Variants in RIPOR2 observed in about 807,000 individuals in gnomAD.
The protein encoded by RIPOR2 is rho family-interacting cell polarization regulator 2.
Under a neutral mutation model 114.5 loss-of-function variants are expected in RIPOR2, and 39 were observed. The observed-to-expected ratio is 0.34, with a 90% CI of 0.26 to 0.44. The LOEUF is 0.44. RIPOR2 is among the 20% of genes least tolerant of loss of function. The probability of loss-of-function intolerance (pLI) is 1.00; values close to 1 mark genes in which losing one functional copy is unlikely to be tolerated. For synonymous variants in RIPOR2, 445 were observed against 484.4 expected (o/e 0.92, Z 1.07); for missense variants, 1,007 against 1,255.1 (o/e 0.80, Z 2.99).
At chr6:24,807,036 A>C (rs1276938746) in intron 21 of RIPOR2, among the ~76,000 whole-genome samples, 4 of 152,220 alleles carry the variant, frequency 2.6e-5, no homozygotes, top group Non-Finnish European at 5.9e-5. Context: ...ATTGCAAATA[A>C]TTTTAATGTT....
At chr6:24,867,388 C>T (rs1764711034) in intron 6 of RIPOR2, among the ~76,000 whole-genome samples, 2 of 152,166 alleles carry the variant, frequency 1.3e-5, no homozygotes, top group Admixed American at 1.3e-4. Flanking sequence ...TAGGGCTGGG[C>T]CAGGAATCTG....
Position 24,839,134 on chromosome 6 carries a change from C to T in RIPOR2, c.1996G>A (p.Gly666Ser), listed in dbSNP as rs1761386140. The T allele has an allele frequency of 6.4e-7, 1 of 1,551,560 alleles. No homozygotes were observed. The highest frequency in any genetic ancestry group is 2.0e-5 in the Admixed American group (1 of 50,980). The change falls in exon 14 of 22, where the codon GGT becomes AGT. Residue 666 changes from glycine (G) to serine (S), a missense_variant. Physicochemically the swap from Gly to Ser is moderately conservative, Grantham distance 56. Coordinates refer to ENST00000643898, the MANE Select transcript of RIPOR2 (RefSeq NM_001286445.3). Reference protein sequence around the residue: ...DGDEVCNVGGGADSVFSDTET... With the variant: ...DGDEVCNVGGSADSVFSDTET... ...GTGTCTGAAAATACTGAGTCAGCAC[C>T]TCCGCCAACATTACAAACCTCATCA...
chr6:24,823,554 G>A (rs1759885299), intron 19 of RIPOR2, among the ~76,000 whole-genome samples: 1 of 152,058 alleles, frequency 6.6e-6, no homozygotes, highest in Non-Finnish European at 1.5e-5. Flanking sequence ...TTTCTACAGT[G>A]TCCACAAAAC....
chr6:24,989,461 A>AT (rs1774690556), intron 1 of RIPOR2, among the ~76,000 whole-genome samples: 1 of 151,200 alleles, frequency 6.6e-6, no homozygotes, highest in African/African-American at 2.4e-5. Flanking sequence ...ATGCCTGGCT[A>AT]TTTTTTTGTA....
chr6:24,945,273 T>G (rs986639202), intron 1 of RIPOR2, among the ~76,000 whole-genome samples: 5 of 152,118 alleles, frequency 3.3e-5, no homozygotes, highest in Admixed American at 2.6e-4. Flanking sequence ...AACTATCCTT[T>G]GAGAATGAAG....
At chr6:24,976,232 G>A (rs565195354) in intron 1 of RIPOR2, among the ~76,000 whole-genome samples, 5 of 152,158 alleles carry the variant, frequency 3.3e-5, no homozygotes, top group East Asian at 3.9e-4. Context: ...AAAAATTGCC[G>A]ACAGCCAAAT....
chr6:24,865,615 CTG>C (rs1241819853), intron 6 of RIPOR2, among the ~76,000 whole-genome samples, 165 bp from the exon 7 acceptor site: 1 of 152,194 alleles, frequency 6.6e-6, no homozygotes, highest in Admixed American at 6.5e-5. Context: ...ATTGTAGCCA[CTG>C]TGATACATTT....
intron 1 of RIPOR2, among the ~76,000 whole-genome samples, chr6:24,984,743 A>G (rs1774462905): frequency 1.3e-5 from 2 of 152,210 alleles, no homozygotes; most frequent in Admixed American, 1.3e-4. Flanking sequence ...AATTATCATT[A>G]TTATTTACAT....
At chr6:24,885,183 A>G (rs575627243) in intron 1 of RIPOR2, among the ~76,000 whole-genome samples, 10 of 152,308 alleles carry the variant, frequency 6.6e-5, no homozygotes, top group African/African-American at 2.4e-4. Context: ...GTAAGAAATA[A>G]CAGCGTAAAA....
chr6:25,024,594 A>T (rs1776515475), intron 1 of RIPOR2: 3 of 485,726 alleles, frequency 6.2e-6, no homozygotes, highest in Non-Finnish European at 1.1e-5. Context: ...AAGAGCAGTC[A>T]GATTTTTTAA....
chr6:25,005,738 T>TATATATATATACAC lies in RIPOR2; in HGVS notation c.76+36112_76+36113insGTGTATATATATAT, dbSNP rs34572978. Among the ~76,000 whole-genome samples the TATATATATATACAC allele has an allele frequency of 2.2e-3, 159 of 70,684 alleles. 16 individuals are homozygous for TATATATATATACAC. Among genetic ancestry groups the TATATATATATACAC allele is most frequent in the South Asian group, 4.0e-3 (8 of 1,988 alleles). 46.4% of individuals were successfully genotyped at this position (70,684 alleles called of 152,430 possible). ...ATATATATATATATATATATATATA[T>TATATATATATACAC]ATACATTTACCGATCAAAAGATATG... On this transcript the variant is annotated intron_variant, in intron 1 of 13. Transcript: ENST00000510784.
rs78706908 is a variant in RIPOR2 at position 24,818,796 on chromosome 6, G to A, written c.2869-171C>T. 0.01 allele frequency among the ~76,000 whole-genome samples: 1,569 copies of A among 151,772 alleles called. 31 individuals are homozygous for A. The highest frequency in any genetic ancestry group is 0.033 in the African/African-American group (1,374 of 41,424). On this transcript the variant is annotated intron_variant, in intron 19 of 21. Transcript: ENST00000643898. ...GAAATTCATATTAATTAAAAGAGTC[G>A]TTTATTCAATAAATTGATCCCTTAT...
chr6:24,973,706 A>C (rs1773900347), intron 1 of RIPOR2, among the ~76,000 whole-genome samples: 1 of 152,170 alleles, frequency 6.6e-6, no homozygotes, highest in African/African-American at 2.4e-5. Context: ...GTGCCCATCA[A>C]TGGTGGACTG....
At chr6:24,878,340 T>C (rs566182363) in intron 1 of RIPOR2, among the ~76,000 whole-genome samples, 20 of 152,312 alleles carry the variant, frequency 1.3e-4, no homozygotes, top group African/African-American at 4.8e-4. Flanking sequence ...AAACTTGTAA[T>C]AAACTATCAT....
intron 1 of RIPOR2, among the ~76,000 whole-genome samples, chr6:25,030,477 A>T (rs1259612842): frequency 6.6e-6 from 1 of 152,124 alleles, no homozygotes; most frequent in Non-Finnish European, 1.5e-5. Flanking sequence ...CTTTTTGGTG[A>T]TTAGAGTTCT....
chr6:24,895,456 T>TC (rs34888470), intron 1 of RIPOR2, among the ~76,000 whole-genome samples: 79,433 of 151,492 alleles, frequency 0.52, 23,229 homozygotes, highest in African/African-American at 0.79. Flanking sequence ...AAAAAAATCT[T>TC]CTAGGGTTTA....
intron 1 of RIPOR2, among the ~76,000 whole-genome samples, chr6:24,955,924 G>T (rs1773018686): frequency 6.6e-6 from 1 of 150,966 alleles, no homozygotes; most frequent in Non-Finnish European, 1.5e-5. Flanking sequence ...CAGGAGAATT[G>T]CTTGAACCTG....
intron 1 of RIPOR2, among the ~76,000 whole-genome samples, chr6:24,916,138 C>T (rs564143176): frequency 9.0e-4 from 137 of 152,354 alleles, no homozygotes; most frequent in African/African-American, 3.2e-3. Context: ...ATTCCTGCTT[C>T]CACCTTTTTC....
At chr6:25,020,319 A>T (rs1776259111) in intron 1 of RIPOR2, among the ~76,000 whole-genome samples, 1 of 152,240 alleles carries the variant, frequency 6.6e-6, no homozygotes, top group Non-Finnish European at 1.5e-5. Context: ...TTAGTTAGAG[A>T]ATGAAAACAG....
Sources: gnomAD v4.1 joint callset for allele counts (sites outside exome capture counted in the v4.1 genomes callset) on GRCh38, gnomAD v4.1.1 for gene constraint, MANE v1.5 for transcripts, NCBI Gene and HGNC (gene_info 2026-07-23, HGNC 2026-07-21) for gene names.